Variants in IL34 observed in about 807,000 individuals in gnomAD.
The protein encoded by IL34 is interleukin 34.
Under a neutral mutation model 25.3 loss-of-function variants are expected in IL34, and 17 were observed. The ratio of observed to expected loss-of-function variants is 0.67; its 90% confidence interval spans 0.46 to 1.01. IL34 has a LOEUF of 1.01. Ranked by LOEUF, IL34 falls within the 50% of genes least tolerant of loss-of-function variation. The probability of loss-of-function intolerance (pLI) is 0.00; values close to 1 mark genes in which losing one functional copy is unlikely to be tolerated. For synonymous variants in IL34, 174 were observed against 140.9 expected (o/e 1.23, Z -1.66); for missense variants, 368 against 312.9 (o/e 1.18, Z -1.33).
At chr16:70,593,343 A>T (rs1473477083) in intron 1 of IL34, among the ~76,000 whole-genome samples, 1 of 152,176 alleles carries the variant, frequency 6.6e-6, no homozygotes, top group African/African-American at 2.4e-5. Flanking sequence ...GATATATAGA[A>T]AAACATCACC....
At chr16:70,654,692 T>G (rs778254473) in intron 2 of IL34, 21 bp downstream of exon 2, 3 of 1,587,912 alleles carry the variant, frequency 1.9e-6, no homozygotes, top group African/African-American at 2.7e-5. Context: ...GGGCACCAGC[T>G]GTGTCCCTGT....
chr16:70,640,126 A>T (rs942906623), intron 1 of IL34, among the ~76,000 whole-genome samples: 1 of 152,068 alleles, frequency 6.6e-6, no homozygotes, highest in African/African-American at 2.4e-5. Context: ...TGTATGTGCT[A>T]GACTTTTTGT....
chr16:70,654,814 C>T (rs532591903), intron 2 of IL34, 143 bp downstream of exon 2: 195 of 1,077,422 alleles, frequency 1.8e-4, no homozygotes, highest in Non-Finnish European at 2.3e-4. Flanking sequence ...TTCTCCGAAA[C>T]CTACCCATGC....
chr16:70,608,619 C>T (rs1369358308), intron 1 of IL34, among the ~76,000 whole-genome samples: 2 of 152,168 alleles, frequency 1.3e-5, no homozygotes, highest in African/African-American at 4.8e-5. Context: ...GGCTGACCTC[C>T]AGACACTATA....
chr16:70,643,284 G>C (rs754409641), upstream of IL34, among the ~76,000 whole-genome samples: 15 of 152,176 alleles, frequency 9.9e-5, no homozygotes, highest in Non-Finnish European at 1.3e-4. Context: ...GGCTGGTCTC[G>C]AATCCCTGAC....
intron 1 of IL34, among the ~76,000 whole-genome samples, chr16:70,622,315 C>T (rs374349789): frequency 1.3e-5 from 2 of 151,974 alleles, no homozygotes; most frequent in African/African-American, 4.8e-5. Flanking sequence ...GCTAATTTGC[C>T]AGTCCTGGGC....
At chr16:70,633,019 C>A (rs1190999642) in intron 1 of IL34, among the ~76,000 whole-genome samples, 1 of 152,174 alleles carries the variant, frequency 6.6e-6, no homozygotes, top group Non-Finnish European at 1.5e-5. Flanking sequence ...TGCTGGGGTG[C>A]AGAGGCACAA....
intron 1 of IL34, among the ~76,000 whole-genome samples, chr16:70,641,479 A>G (rs1317422859): frequency 2.0e-5 from 3 of 152,058 alleles, no homozygotes; most frequent in African/African-American, 7.2e-5. Context: ...ATTGAAATAC[A>G]TAAATTAAAA....
chr16:70,614,207 G>T (rs537092684), intron 1 of IL34, among the ~76,000 whole-genome samples: 23 of 151,242 alleles, frequency 1.5e-4, no homozygotes, highest in African/African-American at 5.3e-4. Flanking sequence ...AAGAAGTGCA[G>T]TATCCCAGGC....
At chr16:70,631,071 A>C (rs2051507572) in intron 1 of IL34, among the ~76,000 whole-genome samples, 1 of 152,356 alleles carries the variant, frequency 6.6e-6, no homozygotes, top group African/African-American at 2.4e-5. Context: ...TGGTTGGTTG[A>C]AACTGAAGAT....
chr16:70,591,149 G>C (rs1051502813), intron 1 of IL34, among the ~76,000 whole-genome samples: 1 of 152,206 alleles, frequency 6.6e-6, no homozygotes, highest in African/African-American at 2.4e-5. Flanking sequence ...TCTCTTGCAG[G>C]CCTCTAAGTC....
intron 1 of IL34, among the ~76,000 whole-genome samples, chr16:70,625,672 G>A (rs1175142361): frequency 1.3e-5 from 2 of 152,176 alleles, no homozygotes; most frequent in Non-Finnish European, 2.9e-5. Flanking sequence ...AGGGAAGGCT[G>A]CCTTCCCAGT....
intron 1 of IL34, among the ~76,000 whole-genome samples, chr16:70,598,068 A>T (rs1035377848): frequency 6.6e-6 from 1 of 151,348 alleles, no homozygotes; most frequent in African/African-American, 2.4e-5. Flanking sequence ...CTGATCTCAA[A>T]CTCCTGACCT....
chr16:70,654,906 C>T (rs2052176756), intron 2 of IL34, among the ~76,000 whole-genome samples: 3 of 152,176 alleles, frequency 2.0e-5, no homozygotes, highest in Admixed American at 6.5e-5. Context: ...TTAATCCCAC[C>T]TCCATGATGG....
intron 1 of IL34, among the ~76,000 whole-genome samples, chr16:70,611,120 A>G (rs371775033): frequency 3.9e-5 from 6 of 152,310 alleles, no homozygotes; most frequent in African/African-American, 1.4e-4. Flanking sequence ...CCGAGACTAC[A>G]GGTGCGCACC....
chr16:70,639,835 G>A (rs1330900632), intron 1 of IL34, among the ~76,000 whole-genome samples: 1 of 152,064 alleles, frequency 6.6e-6, no homozygotes, highest in Non-Finnish European at 1.5e-5. Context: ...GTGCATGCCT[G>A]TAGTCCGAGC....
chr16:70,657,594 G>T (rs990875346), intron 4 of IL34, among the ~76,000 whole-genome samples: 1 of 152,102 alleles, frequency 6.6e-6, no homozygotes, highest in Non-Finnish European at 1.5e-5. Context: ...TGGCCAAATG[G>T]TGAAACCCCG....
rs199998346 is a variant in IL34 at position 70,624,196 on chromosome 16, G to C, written c.-400-22352G>C. Reference sequence around the variant, plus strand: ...TGGGACGCGGCTTAGGAGGAATCCCGGGCTGCCGGCATTCCTTGGCCCAGT... The same window carrying C: ...TGGGACGCGGCTTAGGAGGAATCCCCGGCTGCCGGCATTCCTTGGCCCAGT... On this transcript the variant is annotated intron_variant, in intron 1 of 6. Coordinates refer to the IL34 transcript ENST00000429149. Among the ~76,000 whole-genome samples, 19 of 152,040 alleles carry C rather than the reference G, an allele frequency of 1.2e-4. 1 individual carries two copies. The East Asian group carries it at 3.5e-3, about 28-fold the overall frequency.
chr16:70,652,384 G>A (rs935678873), intron 1 of IL34, among the ~76,000 whole-genome samples: 23 of 152,118 alleles, frequency 1.5e-4, no homozygotes, highest in Non-Finnish European at 8.8e-5. Flanking sequence ...CTTGAACCCA[G>A]GAGTTTGAGA....
Sources: gnomAD v4.1 joint callset for allele counts (sites outside exome capture counted in the v4.1 genomes callset) on GRCh38, gnomAD v4.1.1 for gene constraint, MANE v1.5 for transcripts, NCBI Gene and HGNC (gene_info 2026-07-23, HGNC 2026-07-21) for gene names.